The following CAMK2D variants were observed in gnomAD, a reference collection of about 807,000 sequenced individuals.
The protein encoded by CAMK2D is calcium/calmodulin dependent protein kinase II delta, also known as calcium/calmodulin-dependent protein kinase type II subunit delta.
Under a neutral mutation model 84.0 loss-of-function variants are expected in CAMK2D, and 37 were observed. The ratio of observed to expected loss-of-function variants is 0.44; its 90% CI spans 0.34 to 0.58. The LOEUF (loss-of-function observed/expected upper bound fraction) is 0.58. Among genes scored for constraint, CAMK2D ranks in the 20% least tolerant of loss-of-function variants. The pLI is 0.02. For missense variants in CAMK2D, 448 were observed against 652.5 expected (o/e 0.69, Z 3.41); for synonymous variants, 202 against 212.5 (o/e 0.95, Z 0.43).
At chr4:113,525,501 A>G (rs1390838984) in intron 8 of CAMK2D, among the ~76,000 whole-genome samples, 1 of 152,178 alleles carries the variant, frequency 6.6e-6, no homozygotes, top group East Asian at 1.9e-4. Context: ...TTCTTGCTTC[A>G]TTAATGTTTA....
chr4:113,655,247 C>T (rs1383900006), intron 3 of CAMK2D, among the ~76,000 whole-genome samples: 1 of 152,012 alleles, frequency 6.6e-6, no homozygotes, highest in Non-Finnish European at 1.5e-5. Flanking sequence ...AACTGTGGCC[C>T]AGTGAATCTA....
chr4:113,705,792 T>A (rs2154351413), intron 2 of CAMK2D, among the ~76,000 whole-genome samples: 1 of 152,306 alleles, frequency 6.6e-6, no homozygotes, highest in Admixed American at 6.5e-5. Context: ...CTCTTGCTAA[T>A]AAGCCTCCTC....
intron 16 of CAMK2D, among the ~76,000 whole-genome samples, chr4:113,488,122 T>C (rs962654543): frequency 6.6e-5 from 10 of 152,104 alleles, no homozygotes; most frequent in Admixed American, 2.0e-4. Flanking sequence ...GGAATAATAT[T>C]TTAAAATTTA....
At chr4:113,752,514 A>C (rs1207125488) in intron 2 of CAMK2D, among the ~76,000 whole-genome samples, 2 of 152,106 alleles carry the variant, frequency 1.3e-5, no homozygotes, top group Non-Finnish European at 2.9e-5. Context: ...AAACAACAAA[A>C]ATTTGTCTTC....
At chr4:113,597,925 G>A (rs564998094) in intron 4 of CAMK2D, among the ~76,000 whole-genome samples, 9 of 152,266 alleles carry the variant, frequency 5.9e-5, no homozygotes, top group African/African-American at 2.2e-4. Context: ...AAAGAATGGG[G>A]GAATGGCCAG....
At chr4:113,479,974 G>A (rs949369758) in intron 16 of CAMK2D, among the ~76,000 whole-genome samples, 8 of 152,016 alleles carry the variant, frequency 5.3e-5, no homozygotes, top group Non-Finnish European at 1.2e-4. Flanking sequence ...TATTATTTTT[G>A]TTTTAGAGAT....
At chr4:113,683,870 C>G (rs185876337) in intron 2 of CAMK2D, among the ~76,000 whole-genome samples, 1 of 152,320 alleles carries the variant, frequency 6.6e-6, no homozygotes, top group Admixed American at 6.5e-5. Flanking sequence ...CTGTGTGCAA[C>G]ACAATATAGT....
intron 4 of CAMK2D, among the ~76,000 whole-genome samples, chr4:113,579,985 G>A (rs1476360189): frequency 6.6e-6 from 1 of 152,192 alleles, no homozygotes; most frequent in Admixed American, 6.5e-5. Flanking sequence ...CTACCCACAT[G>A]TAAGGCCAAA....
At chr4:113,723,287 C>T (rs960316060) in intron 2 of CAMK2D, among the ~76,000 whole-genome samples, 2 of 150,730 alleles carry the variant, frequency 1.3e-5, no homozygotes, top group African/African-American at 2.4e-5. Flanking sequence ...TGCAGTGGCA[C>T]GATCTCGGCT....
intron 12 of CAMK2D, among the ~76,000 whole-genome samples, chr4:113,511,324 A>G (rs1206389646): frequency 6.6e-6 from 1 of 152,138 alleles, no homozygotes; most frequent in Non-Finnish European, 1.5e-5. Context: ...TTGCTTTTTC[A>G]TGCTAAGACA....
chr4:113,462,185 C>A (rs1486738595), intron 17 of CAMK2D, among the ~76,000 whole-genome samples: 4 of 151,896 alleles, frequency 2.6e-5, no homozygotes, highest in Non-Finnish European at 4.4e-5. Context: ...TGCCTTACAT[C>A]AGTACTAACA....
chr4:113,556,635 C>T (rs2098666599), intron 4 of CAMK2D, among the ~76,000 whole-genome samples: 2 of 152,138 alleles, frequency 1.3e-5, no homozygotes, highest in South Asian at 4.1e-4. Flanking sequence ...GGCAGAACTA[C>T]CTTGTCAGCG....
intron 4 of CAMK2D, among the ~76,000 whole-genome samples, chr4:113,558,516 A>T (rs1187252748): frequency 6.7e-6 from 1 of 149,504 alleles, no homozygotes; most frequent in Non-Finnish European, 1.5e-5. Flanking sequence ...AGTATACAGG[A>T]GGATGTGCAT....
chr4:113,643,509 T>C (rs776909456), intron 3 of CAMK2D, among the ~76,000 whole-genome samples: 5 of 152,210 alleles, frequency 3.3e-5, no homozygotes, highest in East Asian at 1.9e-4. Flanking sequence ...TCACCAGTCA[T>C]AAGAACAGGG....
At chr4:113,697,536 G>A (rs756835016) in intron 2 of CAMK2D, among the ~76,000 whole-genome samples, 46 of 151,978 alleles carry the variant, frequency 3.0e-4, no homozygotes, top group Non-Finnish European at 5.3e-4. Flanking sequence ...ACTTTCAAAC[G>A]CCTGGCCTAC....
chr4:113,617,921 C>CACA (rs1592015337), intron 3 of CAMK2D, among the ~76,000 whole-genome samples: 6 of 151,822 alleles, frequency 4.0e-5, no homozygotes, highest in South Asian at 2.1e-4. Context: ...TACACACACA[C>CACA]TCACACAACA....
chr4:113,670,467 T>C (rs1176260990), intron 2 of CAMK2D, among the ~76,000 whole-genome samples: 1 of 152,106 alleles, frequency 6.6e-6, no homozygotes, highest in East Asian at 1.9e-4. Context: ...TGTATATCAA[T>C]AATTTAATTC....
chr4:113,746,923 C>T (rs1342567202), intron 2 of CAMK2D, among the ~76,000 whole-genome samples: 1 of 148,152 alleles, frequency 6.7e-6, no homozygotes, highest in African/African-American at 2.5e-5. Context: ...AGGCTTTCTG[C>T]TCTACTCCCA....
chr4:113,633,563 C>T (rs1463459241), intron 3 of CAMK2D, among the ~76,000 whole-genome samples: 1 of 152,158 alleles, frequency 6.6e-6, no homozygotes, highest in African/African-American at 2.4e-5. Flanking sequence ...TCAAATTACA[C>T]TTCCAGGGGG....
Sources: allele counts gnomAD v4.1 joint callset (sites outside exome capture counted in the v4.1 genomes callset), GRCh38; gene constraint gnomAD v4.1.1; transcripts MANE v1.5; gene names NCBI Gene and HGNC (gene_info 2026-07-23, HGNC 2026-07-21).